The following HDAC9 variants were observed in gnomAD, a reference collection of about 807,000 sequenced individuals.
HDAC9 encodes the protein histone deacetylase 9, also known as MEF-2 interacting transcription repressor (MITR) protein.
Under a neutral mutation model 139.4 loss-of-function variants are expected in HDAC9, and 41 were observed. That is an observed-to-expected ratio of 0.29 (90% CI 0.23 to 0.38). The LOEUF (loss-of-function observed/expected upper bound fraction) is 0.38. Ranked by LOEUF, HDAC9 falls within the 10% of genes least tolerant of loss-of-function variation. HDAC9 has a pLI of 1.00. For synonymous variants in HDAC9, 517 were observed against 476.2 expected (o/e 1.09, Z -1.12); for missense variants, 1,147 against 1,297.0 (o/e 0.88, Z 1.78).
intron 21 of HDAC9, among the ~76,000 whole-genome samples, chr7:18,862,708 A>C (rs1376245077): frequency 6.6e-6 from 1 of 152,190 alleles, no homozygotes; most frequent in Non-Finnish European, 1.5e-5. Flanking sequence ...TTGGATAATT[A>C]ATTTGTAAAA....
At chr7:18,535,748 A>T (rs1434533533) in intron 2 of HDAC9, among the ~76,000 whole-genome samples, 1 of 150,874 alleles carries the variant, frequency 6.6e-6, no homozygotes, top group Non-Finnish European at 1.5e-5. Context: ...AAAAAAAAAA[A>T]AAATTTACTT....
At chr7:18,227,513 A>G (rs1214570966) in intron 2 of HDAC9, among the ~76,000 whole-genome samples, 4 of 152,128 alleles carry the variant, frequency 2.6e-5, no homozygotes, top group Non-Finnish European at 5.9e-5. Flanking sequence ...GTTGCTGCCA[A>G]TATACAACTA....
intron 2 of HDAC9, among the ~76,000 whole-genome samples, chr7:18,546,012 C>T (rs1199343841): frequency 1.3e-5 from 2 of 152,184 alleles, no homozygotes; most frequent in Admixed American, 1.3e-4. Context: ...AATTTCTATT[C>T]TCACTTATAT....
intron 1 of HDAC9, among the ~76,000 whole-genome samples, chr7:18,451,127 C>T (rs1481836374): frequency 2.0e-5 from 3 of 152,048 alleles, no homozygotes; most frequent in African/African-American, 7.2e-5. Flanking sequence ...TGGATTAGTG[C>T]CTTTACGAAA....
chr7:18,952,396 G>A (rs532091318), intron 23 of HDAC9, among the ~76,000 whole-genome samples: 9 of 152,090 alleles, frequency 5.9e-5, no homozygotes, highest in Middle Eastern at 3.4e-3. Context: ...CCAGGAGCCA[G>A]CACCTTTCAG....
intron 2 of HDAC9, among the ~76,000 whole-genome samples, chr7:18,192,620 G>A (rs776369878): frequency 3.3e-5 from 5 of 152,050 alleles, no homozygotes; most frequent in Non-Finnish European, 7.4e-5. Flanking sequence ...ATTTGGGGAT[G>A]GTAGGTATTT....
chr7:18,161,370 C>T (rs1787615659), intron 1 of HDAC9, among the ~76,000 whole-genome samples: 2 of 152,080 alleles, frequency 1.3e-5, no homozygotes, highest in South Asian at 4.1e-4. Context: ...ACAATAAATA[C>T]GTTGGATTCT....
intron 2 of HDAC9, among the ~76,000 whole-genome samples, chr7:18,545,455 G>A (rs1586882572): frequency 1.3e-5 from 2 of 152,236 alleles, no homozygotes; most frequent in South Asian, 4.2e-4. Context: ...GACGTAAATA[G>A]TTATTAAATT....
chr7:18,454,460 A>G (rs534697009), intron 1 of HDAC9, among the ~76,000 whole-genome samples: 1 of 152,194 alleles, frequency 6.6e-6, no homozygotes, highest in South Asian at 2.1e-4. Flanking sequence ...GAAAATTTAA[A>G]CAAGTTACTC....
chr7:18,371,809 A>G (rs1188193927), intron 1 of HDAC9, among the ~76,000 whole-genome samples: 2 of 152,204 alleles, frequency 1.3e-5, no homozygotes, highest in Admixed American at 6.5e-5. Flanking sequence ...AAGAAAATGT[A>G]TAATGGTTCA....
intron 2 of HDAC9, among the ~76,000 whole-genome samples, chr7:18,257,438 A>ACACACACACACACACACAC (rs1562802142): frequency 3.8e-5 from 5 of 132,500 alleles, no homozygotes; most frequent in African/African-American, 1.1e-4. Context: ...CACACACACA[A>ACACACACACACACACACAC]AAAGAAAAAA....
chr7:18,182,493 G>C (rs1230627145), intron 2 of HDAC9, among the ~76,000 whole-genome samples: 1 of 152,212 alleles, frequency 6.6e-6, no homozygotes, highest in Non-Finnish European at 1.5e-5. Context: ...GTTCAAGAAT[G>C]ACAGTAGAAT....
intron 1 of HDAC9, among the ~76,000 whole-genome samples, chr7:18,438,361 C>T (rs1381311249): frequency 1.3e-5 from 2 of 152,004 alleles, no homozygotes; most frequent in Non-Finnish European, 2.9e-5. Flanking sequence ...GTGCTGGGCA[C>T]TCTGATATAC....
Position 18,829,145 on chromosome 7 carries a change from T to G in HDAC9, c.2323-16T>G. On this transcript the variant is annotated splice_polypyrimidine_tract_variant and intron_variant, in intron 17 of 25. Coordinates refer to ENST00000686413, the MANE Select transcript of HDAC9 (RefSeq NM_178425.4). ...CCATTATATCTGACCATTGAAAACCTGTCTTGTTTTCACAGAATGGGTTTG... is the reference window on the plus strand; with the variant it reads ...CCATTATATCTGACCATTGAAAACCGGTCTTGTTTTCACAGAATGGGTTTG... The G allele has an allele frequency of 6.3e-7, 1 of 1,596,562 alleles. No individual in the cohort carries two copies. Among genetic ancestry groups the G allele is most frequent in the Non-Finnish European group, 8.6e-7 (1 of 1,163,960 alleles).
intron 2 of HDAC9, among the ~76,000 whole-genome samples, chr7:18,177,138 T>G (rs1788979690): frequency 6.6e-6 from 1 of 152,262 alleles, no homozygotes; most frequent in Non-Finnish European, 1.5e-5. Context: ...TTTTCTTTTA[T>G]TCTGCCTAAG....
intron 2 of HDAC9, among the ~76,000 whole-genome samples, chr7:18,537,391 C>T (rs1292429698): frequency 6.6e-6 from 1 of 152,076 alleles, no homozygotes; most frequent in Non-Finnish European, 1.5e-5. Context: ...TAGCTTGTAT[C>T]GAATTGCATT....
chr7:18,629,498 C>CA lies in HDAC9; in HGVS notation c.796+18dup. ...AGGTGACAGGTAATTGAGGACTGGG[C>CA]AGACCTATGAATGCTGGGAGTAGGA... is the stretch of plus-strand genomic sequence containing the variant. On this transcript the variant is annotated intron_variant, in intron 7 of 25. Transcript: ENST00000686413. The CA allele has an allele frequency of 5.6e-6, 9 of 1,605,076 alleles. No individual in the cohort carries two copies. The highest frequency in any genetic ancestry group is 7.7e-6 in the Non-Finnish European group (9 of 1,175,202).
chr7:18,171,234 T>C (rs1038348965), intron 2 of HDAC9, among the ~76,000 whole-genome samples: 19 of 152,176 alleles, frequency 1.2e-4, no homozygotes, highest in African/African-American at 4.3e-4. Context: ...ACTCATGACT[T>C]GACTCTCTGT....
At chr7:18,643,831 G>A (rs1404337046) in intron 8 of HDAC9, among the ~76,000 whole-genome samples, 1 of 151,980 alleles carries the variant, frequency 6.6e-6, no homozygotes, top group Non-Finnish European at 1.5e-5. Context: ...CAGGGATGTT[G>A]TTCCCTTGGG....
Sources: gnomAD v4.1 joint callset for allele counts (sites outside exome capture counted in the v4.1 genomes callset) on GRCh38, gnomAD v4.1.1 for gene constraint, MANE v1.5 for transcripts, NCBI Gene and HGNC (gene_info 2026-07-23, HGNC 2026-07-21) for gene names.